PKNOX2: variants seen among roughly 807,000 people sequenced by gnomAD.
PKNOX2 encodes the protein homeobox protein PKNOX2.
PKNOX2 carries 14 observed loss-of-function variants against 53.1 expected under a neutral mutation model. The ratio of observed to expected loss-of-function variants is 0.26; its 90% CI spans 0.17 to 0.41. The LOEUF (loss-of-function observed/expected upper bound fraction) is 0.41, where lower values mean the gene tolerates loss of function less well. Among genes scored for constraint, PKNOX2 ranks in the 10% least tolerant of loss-of-function variants. PKNOX2 has a pLI of 1.00. For missense variants in PKNOX2, 496 were observed against 602.8 expected, an observed-to-expected ratio of 0.82 and a Z score of 1.85; for synonymous variants, 257 against 242.8, an observed-to-expected ratio of 1.06 and a Z score of -0.54.
intron 2 of PKNOX2, among the ~76,000 whole-genome samples, chr11:125,323,235 C>T (rs1949630585): frequency 6.6e-6 from 1 of 152,078 alleles, no homozygotes; most frequent in African/African-American, 2.4e-5. Flanking sequence ...GTCAAAATCA[C>T]CATGGCTGGA....
chr11:125,402,244 T>A (rs1041680650), intron 7 of PKNOX2, among the ~76,000 whole-genome samples: 2 of 152,048 alleles, frequency 1.3e-5, no homozygotes, highest in African/African-American at 4.8e-5. Context: ...TAGGAACCCA[T>A]CCTGTGCTGC....
rs186325937 is a variant in PKNOX2, at chr11:125,399,216, C to T, written c.588+1154C>T. Among the ~76,000 whole-genome samples, 14 of 152,360 alleles carry T rather than the reference C, an allele frequency of 9.2e-5. No homozygotes were observed. In the East Asian group the frequency reaches 2.7e-3, roughly 29 times the overall value. ...TAGGGCAAGAAGTTTACTTCCTCTT[C>T]CTCTCGCTTGAAATCACCAAGTCAC... On this transcript the variant is annotated intron_variant, in intron 7 of 12. Coordinates refer to ENST00000298282, the MANE Select transcript of PKNOX2 (RefSeq NM_001382323.2).
chr11:125,411,347 A>G, intron 9 of PKNOX2: 1 of 356,672 alleles, frequency 2.8e-6, no homozygotes, highest in Non-Finnish European at 5.4e-6. Context: ...AGCGATGGAT[A>G]GGAAAGTGCT....
chr11:125,397,916 C>T lies in PKNOX2; in HGVS notation c.442C>T (p.Leu148=), dbSNP rs751300990. Residue 148 remains leucine (L), a synonymous_variant, in exon 7 of 13, where the codon CTG becomes TTG. Coordinates refer to ENST00000298282, the MANE Select transcript of PKNOX2 (RefSeq NM_001382323.2). The part of the protein sequence containing the change: ...IQVLRIHLLE[L]EKVNELCKDF... ...GGTCCTGAGAATCCACCTGCTGGAG[C>T]TGGAGAAAGTCAATGAACTCTGCAA... The T allele has an allele frequency of 1.2e-6, 2 of 1,613,902 alleles. No individual in the cohort carries two copies. The highest frequency in any genetic ancestry group is 3.3e-5 in the Admixed American group (2 of 59,996).
At chr11:125,212,197 C>T (rs1939920398) in intron 1 of PKNOX2, among the ~76,000 whole-genome samples, 1 of 152,004 alleles carries the variant, frequency 6.6e-6, no homozygotes, top group Non-Finnish European at 1.5e-5. Context: ...TGAAAGAGTT[C>T]CTTTGCAGCT....
At chr11:125,201,580 G>T (rs1355580157) in intron 1 of PKNOX2, among the ~76,000 whole-genome samples, 1 of 152,200 alleles carries the variant, frequency 6.6e-6, no homozygotes, top group African/African-American at 2.4e-5. Context: ...GTGAAAGGAA[G>T]ATTGCGCCAC....
chr11:125,190,678 A>G (rs1006760280), intron 1 of PKNOX2, among the ~76,000 whole-genome samples: 2 of 151,446 alleles, frequency 1.3e-5, no homozygotes, highest in Non-Finnish European at 2.9e-5. Context: ...ACCTGTGAAC[A>G]TTTGCTCTCG....
chr11:125,168,666 C>T (rs118105687), intron 1 of PKNOX2, among the ~76,000 whole-genome samples: 6 of 152,202 alleles, frequency 3.9e-5, no homozygotes, highest in South Asian at 2.1e-4. Context: ...GAAAGCAAAA[C>T]GGCTGGATTT....
At chr11:125,417,806 C>G (rs535040292) in intron 10 of PKNOX2, among the ~76,000 whole-genome samples, 1 of 151,948 alleles carries the variant, frequency 6.6e-6, no homozygotes, top group Non-Finnish European at 1.5e-5. Context: ...GATGTCTCCC[C>G]CACCCCACTC....
At chr11:125,372,863 G>A (rs1185377306) in intron 5 of PKNOX2, among the ~76,000 whole-genome samples, 1 of 152,194 alleles carries the variant, frequency 6.6e-6, no homozygotes, top group African/African-American at 2.4e-5. Flanking sequence ...CTACCCACAT[G>A]GGACCACCAG....
chr11:125,281,106 G>T (rs1294107705), intron 2 of PKNOX2, among the ~76,000 whole-genome samples: 1 of 152,188 alleles, frequency 6.6e-6, no homozygotes, highest in East Asian at 1.9e-4. Flanking sequence ...TCGTGTCAGG[G>T]TTTCATGAGG....
intron 3 of PKNOX2, among the ~76,000 whole-genome samples, chr11:125,341,617 G>A (rs960985219): frequency 1.8e-4 from 27 of 152,168 alleles, no homozygotes; most frequent in African/African-American, 5.6e-4. Context: ...GATTATTCCC[G>A]CCTTGATTTC....
intron 10 of PKNOX2, among the ~76,000 whole-genome samples, chr11:125,421,581 A>G (rs1174850461): frequency 6.6e-6 from 1 of 152,252 alleles, no homozygotes; most frequent in East Asian, 1.9e-4. Context: ...AAATGGAGAT[A>G]GAAATGCTAC....
chr11:125,257,282 C>T (rs540806520), intron 2 of PKNOX2, among the ~76,000 whole-genome samples: 13 of 152,232 alleles, frequency 8.5e-5, no homozygotes, highest in Non-Finnish European at 1.8e-4. Flanking sequence ...ACCTGCTTGT[C>T]GGAGGTAGGG....
chr11:125,357,323 T>G (rs900127015), intron 4 of PKNOX2, among the ~76,000 whole-genome samples: 2 of 152,102 alleles, frequency 1.3e-5, no homozygotes, highest in African/African-American at 4.8e-5. Context: ...AACCTCCAGG[T>G]CCAACCGTGG....
At chr11:125,392,492 C>T (rs1555169362) in intron 6 of PKNOX2, among the ~76,000 whole-genome samples, 1 of 152,184 alleles carries the variant, frequency 6.6e-6, no homozygotes, top group Non-Finnish European at 1.5e-5. Flanking sequence ...ATCTTTCAAC[C>T]AATTCCATTA....
At chr11:125,421,122 C>T (rs1956145651) in intron 10 of PKNOX2, among the ~76,000 whole-genome samples, 1 of 152,150 alleles carries the variant, frequency 6.6e-6, no homozygotes, top group Non-Finnish European at 1.5e-5. Context: ...GATGTGATTT[C>T]AGCACTAAGG....
At chr11:125,293,185 TAC>T (rs765058737) in intron 2 of PKNOX2, among the ~76,000 whole-genome samples, 1 of 151,812 alleles carries the variant, frequency 6.6e-6, no homozygotes, top group African/African-American at 2.4e-5. Context: ...TAGAAATATT[TAC>T]ACACACACAC....
intron 2 of PKNOX2, among the ~76,000 whole-genome samples, chr11:125,320,930 T>TTG (rs1233251739): frequency 1.3e-5 from 2 of 152,332 alleles, no homozygotes; most frequent in South Asian, 2.1e-4. Context: ...TAATTAGTCA[T>TTG]TGTGCTCTCT....
Sources: allele counts gnomAD v4.1 joint callset (sites outside exome capture counted in the v4.1 genomes callset), GRCh38; gene constraint gnomAD v4.1.1; transcripts MANE v1.5; gene names NCBI Gene and HGNC (gene_info 2026-07-23, HGNC 2026-07-21).